Variants in MAML2 observed in about 807,000 individuals in gnomAD.
MAML2 encodes mastermind-like protein 2.
In MAML2, 22 loss-of-function variants were observed where a neutral mutation model predicts 96.1. The ratio of observed to expected loss-of-function variants is 0.23; its 90% CI spans 0.16 to 0.33. MAML2 has a LOEUF of 0.33. MAML2 is among the 10% of genes least tolerant of loss of function. The pLI is 1.00. For missense variants in MAML2, 1,367 were observed against 1,392.4 expected, an observed-to-expected ratio of 0.98 and a Z score of 0.29; for synonymous variants, 561 against 521.3, an observed-to-expected ratio of 1.08 and a Z score of -1.04.
At chr11:96,086,501 A>C (rs543868700) in intron 2 of MAML2, among the ~76,000 whole-genome samples, 5 of 152,280 alleles carry the variant, frequency 3.3e-5, no homozygotes, top group Admixed American at 2.6e-4. Flanking sequence ...CAGAGGTACC[A>C]AGAAGCCCAG....
chr11:96,177,901 A>C (rs1861411315), intron 1 of MAML2, among the ~76,000 whole-genome samples: 1 of 148,508 alleles, frequency 6.7e-6, no homozygotes, highest in African/African-American at 2.5e-5. Flanking sequence ...AAAATTGAAT[A>C]TCTGGAGACC....
chr11:96,131,849 A>C (rs989106884), intron 1 of MAML2, among the ~76,000 whole-genome samples: 1 of 152,166 alleles, frequency 6.6e-6, no homozygotes, highest in African/African-American at 2.4e-5. Flanking sequence ...GTCTCTACTA[A>C]AAATACAAAA....
chr11:96,049,960 G>C (rs575833616), intron 2 of MAML2, among the ~76,000 whole-genome samples: 118 of 152,246 alleles, frequency 7.8e-4, no homozygotes, highest in Middle Eastern at 3.4e-3. Flanking sequence ...CACTTAAGTA[G>C]ATCAAACCCC....
At chr11:96,317,721 G>A (rs1179848511) in intron 1 of MAML2, among the ~76,000 whole-genome samples, 1 of 152,206 alleles carries the variant, frequency 6.6e-6, no homozygotes, top group Non-Finnish European at 1.5e-5. Flanking sequence ...CTTGGTCAGT[G>A]CTGGGCTAAG....
intron 1 of MAML2, among the ~76,000 whole-genome samples, chr11:96,263,948 G>A (rs1009527008): frequency 6.6e-6 from 1 of 152,164 alleles, no homozygotes; most frequent in Non-Finnish European, 1.5e-5. Context: ...GACCTCCTTA[G>A]GGGGATTTGG....
intron 1 of MAML2, among the ~76,000 whole-genome samples, chr11:96,164,388 C>T (rs1267736490): frequency 6.6e-6 from 1 of 152,184 alleles, no homozygotes; most frequent in African/African-American, 2.4e-5. Flanking sequence ...CCCAAGGCTA[C>T]AGAACTAGTT....
chr11:96,315,658 AGAAT>A (rs1418617896), intron 1 of MAML2, among the ~76,000 whole-genome samples: 2 of 152,222 alleles, frequency 1.3e-5, no homozygotes, highest in Non-Finnish European at 2.9e-5. Flanking sequence ...CTGACAGGTC[AGAAT>A]GACTCAATCT....
At chr11:96,309,885 T>C (rs74407540) in intron 1 of MAML2, among the ~76,000 whole-genome samples, 5,060 of 151,874 alleles carry the variant, frequency 0.033, 90 homozygotes, top group Non-Finnish European at 0.044. Flanking sequence ...TTTTTTTTTG[T>C]AGAGATGGGT....
chr11:96,050,845 C>T (rs1039684224), intron 2 of MAML2, among the ~76,000 whole-genome samples: 1 of 152,138 alleles, frequency 6.6e-6, no homozygotes, highest in South Asian at 2.1e-4. Context: ...CTTCACCTGC[C>T]CAGTGTGGAT....
intron 1 of MAML2, among the ~76,000 whole-genome samples, chr11:96,101,015 G>A (rs1859920265): frequency 6.6e-6 from 1 of 152,064 alleles, no homozygotes; most frequent in Non-Finnish European, 1.5e-5. Context: ...CAAAGTGCTG[G>A]GATTACAGCT....
intron 1 of MAML2, among the ~76,000 whole-genome samples, chr11:96,294,379 T>C (rs1335981094): frequency 6.6e-6 from 1 of 152,102 alleles, no homozygotes; most frequent in African/African-American, 2.4e-5. Context: ...TCTAAAGATG[T>C]AGTCGCCCAT....
chr11:96,139,942 T>C (rs1286428494), intron 1 of MAML2, among the ~76,000 whole-genome samples: 4 of 152,200 alleles, frequency 2.6e-5, no homozygotes, highest in African/African-American at 4.8e-5. Flanking sequence ...CATAATTCTA[T>C]CTTTAAAAAA....
chr11:96,322,442 TA>T (rs1294056061), intron 1 of MAML2, among the ~76,000 whole-genome samples: 4 of 152,220 alleles, frequency 2.6e-5, no homozygotes, highest in African/African-American at 9.6e-5. Flanking sequence ...CTCATTCCTA[TA>T]ATCCCAGCAC....
chr11:96,150,832 T>C (rs1179298900), intron 1 of MAML2, among the ~76,000 whole-genome samples: 1 of 152,106 alleles, frequency 6.6e-6, no homozygotes, highest in Non-Finnish European at 1.5e-5. Context: ...CCAACTCTAG[T>C]TTATTTTGCC....
At chr11:96,035,325 G>A (rs139564278) in intron 2 of MAML2, among the ~76,000 whole-genome samples, 2 of 152,308 alleles carry the variant, frequency 1.3e-5, no homozygotes, top group East Asian at 3.9e-4. Context: ...TTCAAATAGA[G>A]TGTCTTTTAA....
intron 2 of MAML2, among the ~76,000 whole-genome samples, chr11:95,998,763 A>G (rs1858037111): frequency 6.6e-6 from 1 of 152,198 alleles, no homozygotes; most frequent in Non-Finnish European, 1.5e-5. Flanking sequence ...AGCTTGAGGC[A>G]AATAAAACAT....
In MAML2 at chr11:96,275,269, A is replaced by ATT. The variant is rs56407815; in HGVS notation, c.513+66112_513+66113dup. The stretch of plus-strand genomic sequence containing the variant: ...TTCTTCTTTATCCAAACACTAAGGA[A>ATT]TTTTTTTTTTTTTTTTTTTTTTTTT... On this transcript the variant is annotated intron_variant, in intron 1 of 4. Coordinates refer to ENST00000524717, the MANE Select transcript of MAML2 (RefSeq NM_032427.4). Among the ~76,000 whole-genome samples, 300 of 111,742 alleles carry ATT rather than the reference A, an allele frequency of 2.7e-3. 8 individuals are homozygous for ATT. Among genetic ancestry groups the ATT allele is most frequent in the Middle Eastern group, 0.019 (4 of 216 alleles). The allele number at this position is 111,742 out of a possible 152,430, so 73.3% of individuals were successfully genotyped here. A position where few individuals can be genotyped will look rare whatever the true frequency, so the allele number is the denominator to read the frequency against.
intron 1 of MAML2, among the ~76,000 whole-genome samples, chr11:96,152,987 C>T (rs1033096542): frequency 2.0e-5 from 3 of 152,164 alleles, no homozygotes; most frequent in Admixed American, 6.5e-5. Context: ...CTAATTATCA[C>T]ATTTCTACAG....
chr11:96,046,565 C>T (rs74538211), intron 2 of MAML2, among the ~76,000 whole-genome samples: 2 of 152,290 alleles, frequency 1.3e-5, no homozygotes, highest in Non-Finnish European at 2.9e-5. Context: ...CAACTTGGGA[C>T]ATTCTGAATA....
Sources: allele counts gnomAD v4.1 joint callset (sites outside exome capture counted in the v4.1 genomes callset), GRCh38; gene constraint gnomAD v4.1.1; transcripts MANE v1.5; gene names NCBI Gene and HGNC (gene_info 2026-07-23, HGNC 2026-07-21).